Variants in FER observed in about 807,000 individuals in gnomAD.
FER encodes the protein FER tyrosine kinase.
In FER, 63 loss-of-function variants were observed where a neutral mutation model predicts 111.0. The observed-to-expected ratio is 0.57, with a 90% CI of 0.46 to 0.70. FER has a LOEUF of 0.70. Among genes scored for constraint, FER ranks in the 30% least tolerant of loss-of-function variants. FER has a pLI of 0.00. For missense variants in FER, 914 were observed against 954.0 expected (o/e 0.96, Z 0.55); for synonymous variants, 327 against 313.9 (o/e 1.04, Z -0.44).
intron 17 of FER, among the ~76,000 whole-genome samples, chr5:109,130,509 C>CAG (rs143666177): frequency 0.6 from 91,603 of 151,490 alleles, 30,484 homozygotes; most frequent in African/African-American, 0.9. Context: ...TAAACAGAAA[C>CAG]AAAATAAAAT....
intron 5 of FER, among the ~76,000 whole-genome samples, chr5:108,845,632 C>T (rs1160832755): frequency 6.6e-6 from 1 of 151,480 alleles, no homozygotes; most frequent in African/African-American, 2.4e-5. Flanking sequence ...GCCTAATTGC[C>T]CTGGCTAGAT....
At chr5:109,117,626 C>A in intron 17 of FER, among the ~76,000 whole-genome samples, 1 of 151,974 alleles carries the variant, frequency 6.6e-6, no homozygotes, top group Non-Finnish European at 1.5e-5. Context: ...GATATTGATT[C>A]TTCCTACCCA....
intron 17 of FER, among the ~76,000 whole-genome samples, chr5:109,138,661 C>T (rs72796592): frequency 0.028 from 4,293 of 152,242 alleles, 80 homozygotes; most frequent in Middle Eastern, 0.11. Context: ...GTTCCTCTCA[C>T]TCTATTTTAA....
chr5:109,030,008 C>T lies in FER; in HGVS notation c.1657-7414C>T, dbSNP rs1027742668. Among the ~76,000 whole-genome samples the T allele has an allele frequency of 2.0e-5, 3 of 151,892 alleles. No individual in the cohort carries two copies. The South Asian group carries it at 6.2e-4, about 31-fold the overall frequency. ...TAAGGTTCTGTTCATTTTTTTTCACCCAATCTATTTTCTCTTTGTTGTTCA... is the reference window on the plus strand; with the variant it reads ...TAAGGTTCTGTTCATTTTTTTTCACTCAATCTATTTTCTCTTTGTTGTTCA... On this transcript the variant is annotated intron_variant, in intron 13 of 19. Coordinates refer to ENST00000281092, the MANE Select transcript of FER (RefSeq NM_005246.4).
chr5:109,080,863 C>T (rs1201045648), intron 16 of FER, among the ~76,000 whole-genome samples: 1 of 152,004 alleles, frequency 6.6e-6, no homozygotes, highest in Non-Finnish European at 1.5e-5. Context: ...TCCAGCTTTT[C>T]AACAGGTCAC....
chr5:108,966,941 T>G (rs1759932964), intron 13 of FER, among the ~76,000 whole-genome samples: 1 of 152,056 alleles, frequency 6.6e-6, no homozygotes. Flanking sequence ...ACTCGTAAAC[T>G]GCATTTTTCA....
At chr5:108,877,555 C>G (rs1480649392) in intron 8 of FER, among the ~76,000 whole-genome samples, 1 of 152,120 alleles carries the variant, frequency 6.6e-6, no homozygotes, top group East Asian at 1.9e-4. Context: ...CATAAAAATC[C>G]TATGCTCTTG....
At chr5:108,831,258 CTT>C (rs1561482255) in intron 3 of FER, among the ~76,000 whole-genome samples, 1 of 152,136 alleles carries the variant, frequency 6.6e-6, no homozygotes, top group Admixed American at 6.5e-5. Context: ...TCTCCTCTCA[CTT>C]TTTATTTTTT....
chr5:109,172,333 AG>A lies in FER; in HGVS notation c.2049-8411del, dbSNP rs1455346213. Reference sequence around the variant, plus strand: ...AAATCGATGAGTTCATGTCCTTTTTAGGGACATGGATGAAACTGGAAATCAT... The same window carrying A: ...AAATCGATGAGTTCATGTCCTTTTTAGGACATGGATGAAACTGGAAATCAT... On this transcript the variant is annotated intron_variant, in intron 17 of 19. Coordinates refer to ENST00000281092, the MANE Select transcript of FER (RefSeq NM_005246.4). 6.6e-5 allele frequency among the ~76,000 whole-genome samples: 10 copies of A among 152,054 alleles called. No individual in the cohort carries two copies. The East Asian group carries it at 1.4e-3, about 21-fold the overall frequency.
chr5:109,129,267 A>G (rs890211726), intron 17 of FER, among the ~76,000 whole-genome samples: 1 of 152,060 alleles, frequency 6.6e-6, no homozygotes, highest in Non-Finnish European at 1.5e-5. Flanking sequence ...TTCTGTTTGA[A>G]TAATAGTTAT....
At chr5:108,859,170 G>T (rs1763278029) in intron 5 of FER, among the ~76,000 whole-genome samples, 1 of 152,060 alleles carries the variant, frequency 6.6e-6, no homozygotes, top group South Asian at 2.1e-4. Context: ...TTCTCAATTT[G>T]GTAGATGAGA....
intron 13 of FER, among the ~76,000 whole-genome samples, chr5:109,031,540 G>T (rs1769617388): frequency 6.6e-6 from 1 of 152,072 alleles, no homozygotes; most frequent in Admixed American, 6.6e-5. Flanking sequence ...GAGACTTCTG[G>T]TCTATAAGAT....
intron 11 of FER, among the ~76,000 whole-genome samples, chr5:108,950,507 G>A (rs1757575339): frequency 6.6e-6 from 1 of 151,996 alleles, no homozygotes; most frequent in Non-Finnish European, 1.5e-5. Flanking sequence ...AGAATTTGTA[G>A]AATTAAAGAT....
intron 3 of FER, among the ~76,000 whole-genome samples, chr5:108,826,677 C>T (rs911106882): frequency 3.9e-5 from 6 of 152,322 alleles, no homozygotes; most frequent in African/African-American, 1.2e-4. Context: ...GGACTGATGT[C>T]AATTCTTCTA....
intron 10 of FER, among the ~76,000 whole-genome samples, chr5:108,918,708 C>CG (rs1752609054): frequency 6.6e-6 from 1 of 151,786 alleles, no homozygotes; most frequent in South Asian, 2.1e-4. Context: ...AGGATGGTCT[C>CG]GATCTCCTGA....
At chr5:109,057,799 T>C (rs1336153855) in intron 16 of FER, among the ~76,000 whole-genome samples, 3 of 152,172 alleles carry the variant, frequency 2.0e-5, no homozygotes, top group African/African-American at 7.2e-5. Context: ...TACCAAACTT[T>C]TAAGAAGAAA....
intron 17 of FER, among the ~76,000 whole-genome samples, chr5:109,172,737 A>T (rs1340157128): frequency 6.6e-6 from 1 of 152,172 alleles, no homozygotes; most frequent in African/African-American, 2.4e-5. Flanking sequence ...AAGTTCCTTT[A>T]GACCAGAATC....
At chr5:109,167,818 A>G (rs976111381) in intron 17 of FER, among the ~76,000 whole-genome samples, 1 of 152,166 alleles carries the variant, frequency 6.6e-6, no homozygotes, top group Non-Finnish European at 1.5e-5. Context: ...ATTGTTGCCT[A>G]TAGTCTAGAC....
chr5:109,045,827 G>T (rs1254752324), intron 15 of FER, among the ~76,000 whole-genome samples: 2 of 152,176 alleles, frequency 1.3e-5, no homozygotes, highest in African/African-American at 4.8e-5. Flanking sequence ...CAAATCCAGG[G>T]GGAGTTAGTC....
Sources: gnomAD v4.1 joint callset for allele counts (sites outside exome capture counted in the v4.1 genomes callset) on GRCh38, gnomAD v4.1.1 for gene constraint, MANE v1.5 for transcripts, NCBI Gene and HGNC (gene_info 2026-07-23, HGNC 2026-07-21) for gene names.